The following CNTNAP2 variants were observed in gnomAD, a reference collection of about 807,000 sequenced individuals.
CNTNAP2 encodes contactin-associated protein-like 2.
Under a neutral mutation model 155.2 loss-of-function variants are expected in CNTNAP2, and 98 were observed. The ratio of observed to expected loss-of-function variants is 0.63; its 90% CI spans 0.54 to 0.75. The LOEUF is 0.75. CNTNAP2 is among the 30% of genes least tolerant of loss of function. The pLI, the probability that CNTNAP2 is intolerant of heterozygous loss-of-function variation, is 0.00. For missense variants in CNTNAP2, 1,727 were observed against 1,688.1 expected, an observed-to-expected ratio of 1.02 and a Z score of -0.40; for synonymous variants, 651 against 631.2, an observed-to-expected ratio of 1.03 and a Z score of -0.47.
chr7:147,376,963 CT>C (rs931339190), intron 9 of CNTNAP2, among the ~76,000 whole-genome samples: 1 of 151,768 alleles, frequency 6.6e-6, no homozygotes, highest in Non-Finnish European at 1.5e-5. Context: ...TTTCTCAATT[CT>C]TTTACTTTCA....
intron 15 of CNTNAP2, among the ~76,000 whole-genome samples, chr7:148,097,362 A>T (rs12703995): frequency 7.0e-6 from 1 of 143,728 alleles, no homozygotes; most frequent in Non-Finnish European, 1.5e-5. Context: ...AAAAAAAAAA[A>T]CCATAAAAAA....
intron 20 of CNTNAP2, among the ~76,000 whole-genome samples, chr7:148,259,560 A>G (rs1796518930): frequency 6.6e-6 from 1 of 152,200 alleles, no homozygotes; most frequent in South Asian, 2.1e-4. Context: ...CCATGGAAAA[A>G]GCGGGATCTG....
intron 13 of CNTNAP2, among the ~76,000 whole-genome samples, chr7:147,677,633 C>T (rs940932604): frequency 9.9e-5 from 15 of 151,518 alleles, no homozygotes; most frequent in East Asian, 1.9e-4. Context: ...GGTTTTTCAA[C>T]GAGTTTCACA....
intron 1 of CNTNAP2, among the ~76,000 whole-genome samples, chr7:146,221,069 A>C (rs1364524500): frequency 1.3e-5 from 2 of 152,166 alleles, no homozygotes; most frequent in Admixed American, 1.3e-4. Context: ...TTGGTCCTTA[A>C]TCCGTGTGAG....
intron 15 of CNTNAP2, among the ~76,000 whole-genome samples, chr7:147,988,429 T>C (rs1801655175): frequency 6.6e-6 from 1 of 152,144 alleles, no homozygotes; most frequent in African/African-American, 2.4e-5. Flanking sequence ...GAAACATGCT[T>C]TGGGGTAAAA....
chr7:147,901,227 T>A (rs1247054774), intron 13 of CNTNAP2, among the ~76,000 whole-genome samples: 1 of 152,170 alleles, frequency 6.6e-6, no homozygotes, highest in Non-Finnish European at 1.5e-5. Context: ...GAGCATCACA[T>A]CTAGCCTCCC....
intron 13 of CNTNAP2, among the ~76,000 whole-genome samples, chr7:147,787,583 A>G (rs1279204570): frequency 2.6e-5 from 4 of 152,382 alleles, no homozygotes; most frequent in South Asian, 2.1e-4. Flanking sequence ...ACAAAAAGCA[A>G]CAATATTTAC....
chr7:148,168,990 A>G (rs1336832007), intron 17 of CNTNAP2, among the ~76,000 whole-genome samples: 1 of 152,226 alleles, frequency 6.6e-6, no homozygotes, highest in Admixed American at 6.5e-5. Flanking sequence ...TGTGACTACA[A>G]AAACATGCAA....
At chr7:146,442,326 C>G (rs1187133448) in intron 1 of CNTNAP2, among the ~76,000 whole-genome samples, 1 of 151,120 alleles carries the variant, frequency 6.6e-6, no homozygotes, top group African/African-American at 2.5e-5. Context: ...TTAAAATATA[C>G]TATGATACAT....
At chr7:147,562,434 T>A (rs1800082187) in intron 12 of CNTNAP2, among the ~76,000 whole-genome samples, 177 bp downstream of exon 12, 1 of 152,218 alleles carries the variant, frequency 6.6e-6, no homozygotes. Flanking sequence ...ATAAAACATT[T>A]TGACACTGTG....
chr7:147,727,163 T>G (rs768783348), intron 13 of CNTNAP2, among the ~76,000 whole-genome samples: 58 of 151,992 alleles, frequency 3.8e-4, no homozygotes, highest in Admixed American at 1.2e-3. Flanking sequence ...CTCCCCAACC[T>G]ACCTGAACCC....
chr7:148,174,657 A>G (rs1278083183), intron 18 of CNTNAP2, among the ~76,000 whole-genome samples: 1 of 152,256 alleles, frequency 6.6e-6, no homozygotes, highest in African/African-American at 2.4e-5. Flanking sequence ...GCATACACGC[A>G]GAGATGAGGC....
chr7:148,135,996 G>A (rs559469184), intron 16 of CNTNAP2, among the ~76,000 whole-genome samples: 24 of 34,722 alleles, frequency 6.9e-4, no homozygotes, highest in Middle Eastern at 0.016. Flanking sequence ...AGGAAGGAAG[G>A]AAGGAAGGAA....
chr7:147,033,703 A>G lies in CNTNAP2; in HGVS notation c.403-10204A>G, dbSNP rs1916944. Among the ~76,000 whole-genome samples the G allele has an allele frequency of 8.6e-5, 13 of 151,814 alleles. No individual in the cohort carries two copies. The East Asian group carries it at 9.7e-4, about 11-fold the overall frequency. On this transcript the variant is annotated intron_variant, in intron 3 of 23. Transcript: ENST00000361727. ...TCAGATACACAGGGACCAAAGAGGT[A>G]TGGTCTGAAACCTCACAGCTGACTT...
intron 1 of CNTNAP2, among the ~76,000 whole-genome samples, chr7:146,377,140 C>G (rs1860685): frequency 6.6e-6 from 1 of 152,198 alleles, no homozygotes; most frequent in African/African-American, 2.4e-5. Flanking sequence ...TCCACTGAGT[C>G]TAAGTTCCAT....
chr7:147,533,374 C>T (rs994018074), intron 11 of CNTNAP2, among the ~76,000 whole-genome samples: 1 of 151,876 alleles, frequency 6.6e-6, no homozygotes, highest in African/African-American at 2.4e-5. Context: ...AATATGAAAC[C>T]TTTGGGTGAA....
chr7:147,627,420 G>C (rs142810031), intron 12 of CNTNAP2, among the ~76,000 whole-genome samples: 2 of 152,170 alleles, frequency 1.3e-5, no homozygotes, highest in East Asian at 1.9e-4. Flanking sequence ...AAACAAGGTG[G>C]GGCATGGTGG....
chr7:147,231,627 G>A lies in CNTNAP2; in HGVS notation c.1349-68514G>A, dbSNP rs565834961. On this transcript the variant is annotated intron_variant, in intron 8 of 23. Transcript: ENST00000361727. ...ACGTGTCTTTTTGATAACCATCCCA[G>A]CAAGTATGAGGTGATACCTCATTAT... Among the ~76,000 whole-genome samples the A allele has an allele frequency of 2.6e-5, 4 of 152,230 alleles. No homozygotes were observed. In the South Asian group the frequency reaches 8.3e-4, roughly 32 times the overall value.
chr7:147,890,954 T>A (rs1463286369), intron 13 of CNTNAP2, among the ~76,000 whole-genome samples: 1 of 152,202 alleles, frequency 6.6e-6, no homozygotes, highest in African/African-American at 2.4e-5. Context: ...AAATGATAAG[T>A]ACGTGAGGTA....
Sources: gnomAD v4.1 joint callset for allele counts (sites outside exome capture counted in the v4.1 genomes callset) on GRCh38, gnomAD v4.1.1 for gene constraint, MANE v1.5 for transcripts, NCBI Gene and HGNC (gene_info 2026-07-23, HGNC 2026-07-21) for gene names.